The following FCHSD2 variants were observed in gnomAD, a reference collection of about 807,000 sequenced individuals.
FCHSD2 encodes the protein F-BAR and double SH3 domains protein 2.
Under a neutral mutation model 108.1 loss-of-function variants are expected in FCHSD2, and 38 were observed. The observed-to-expected ratio is 0.35, with a 90% CI of 0.27 to 0.46. FCHSD2 has a LOEUF of 0.46. Among genes scored for constraint, FCHSD2 ranks in the 20% least tolerant of loss-of-function variants. The pLI is 1.00. For synonymous variants in FCHSD2, 279 were observed against 314.7 expected, an observed-to-expected ratio of 0.89 and a Z score of 1.20; for missense variants, 751 against 897.8, an observed-to-expected ratio of 0.84 and a Z score of 2.09.
intron 2 of FCHSD2, among the ~76,000 whole-genome samples, chr11:73,084,109 T>G (rs1461295513): frequency 6.6e-6 from 1 of 152,238 alleles, no homozygotes; most frequent in Non-Finnish European, 1.5e-5. Context: ...CAGTAAAACC[T>G]ATATAAATGT....
intron 12 of FCHSD2, among the ~76,000 whole-genome samples, chr11:72,868,888 T>G (rs533646222): frequency 6.6e-6 from 1 of 152,178 alleles, no homozygotes; most frequent in Non-Finnish European, 1.5e-5. Flanking sequence ...CTTTTACTTT[T>G]TAAGTTACCT....
intron 2 of FCHSD2, among the ~76,000 whole-genome samples, chr11:73,090,619 C>G (rs1859934384): frequency 6.6e-6 from 1 of 152,120 alleles, no homozygotes; most frequent in Admixed American, 6.5e-5. Context: ...TGTGACAGAA[C>G]TCCCTAAAAT....
chr11:73,011,239 A>T (rs1857857367), intron 4 of FCHSD2, among the ~76,000 whole-genome samples: 1 of 152,108 alleles, frequency 6.6e-6, no homozygotes, highest in Admixed American at 6.5e-5. Flanking sequence ...CATGGTAGGC[A>T]GGGGCAGGCT....
At chr11:73,115,336 A>G (rs1241865095) in intron 2 of FCHSD2, among the ~76,000 whole-genome samples, 2 of 151,964 alleles carry the variant, frequency 1.3e-5, no homozygotes, top group Admixed American at 1.3e-4. Context: ...TCTCTTTCCT[A>G]CCTTCTTCAG....
intron 8 of FCHSD2, among the ~76,000 whole-genome samples, chr11:72,932,054 C>G (rs1396769680): frequency 6.6e-6 from 1 of 152,180 alleles, no homozygotes; most frequent in Non-Finnish European, 1.5e-5. Context: ...TTTTGAGTTC[C>G]TCAGTGTGTG....
intron 2 of FCHSD2, among the ~76,000 whole-genome samples, chr11:73,120,215 C>A (rs1860698888): frequency 6.6e-6 from 1 of 152,080 alleles, no homozygotes. Flanking sequence ...GGGACACAGA[C>A]CCAGGCCACA....
intron 3 of FCHSD2, among the ~76,000 whole-genome samples, chr11:73,043,846 C>G (rs904832600): frequency 1.3e-5 from 2 of 152,044 alleles, no homozygotes; most frequent in African/African-American, 4.8e-5. Flanking sequence ...GACTTGAGGC[C>G]CTAAAGGATC....
intron 15 of FCHSD2, 33 bp from the exon 16 acceptor site, chr11:72,843,361 C>G: frequency 6.4e-7 from 1 of 1,551,364 alleles, no homozygotes; most frequent in East Asian, 2.3e-5. Context: ...AACAAGTTTA[C>G]ACACACAATT....
intron 2 of FCHSD2, among the ~76,000 whole-genome samples, chr11:73,131,999 C>A (rs1407102983): frequency 6.6e-6 from 1 of 152,148 alleles, no homozygotes; most frequent in Admixed American, 6.5e-5. Context: ...CACAAATTAC[C>A]ATCCTCCATG....
At chr11:73,015,955 C>T (rs943118716) in intron 3 of FCHSD2, 70 bp from the exon 4 acceptor site, 45 of 817,666 alleles carry the variant, frequency 5.5e-5, no homozygotes, top group Admixed American at 4.6e-4. Context: ...CCTTAAAATA[C>T]ATGACTTAGA....
At chr11:73,102,766 G>C (rs553538137) in intron 2 of FCHSD2, among the ~76,000 whole-genome samples, 1 of 152,112 alleles carries the variant, frequency 6.6e-6, no homozygotes, top group Non-Finnish European at 1.5e-5. Context: ...ACCAGATGCT[G>C]GTGCCTTGAT....
At chr11:72,870,187 A>C (rs1302256688) in intron 12 of FCHSD2, among the ~76,000 whole-genome samples, 1 of 152,094 alleles carries the variant, frequency 6.6e-6, no homozygotes, top group Non-Finnish European at 1.5e-5. Context: ...TTTTCTAAGT[A>C]TTTCTCAACC....
chr11:72,863,711 A>G (rs1240525063), intron 13 of FCHSD2, among the ~76,000 whole-genome samples: 1 of 152,252 alleles, frequency 6.6e-6, no homozygotes, highest in Admixed American at 6.5e-5. Context: ...AAGAAAATAT[A>G]CAGATGCAAA....
intron 8 of FCHSD2, among the ~76,000 whole-genome samples, chr11:72,968,224 C>T (rs570514493): frequency 6.6e-6 from 1 of 152,186 alleles, no homozygotes; most frequent in South Asian, 2.1e-4. Context: ...TGTAGATGCT[C>T]CAAAATTACT....
At chr11:73,116,565 T>A (rs928552719) in intron 2 of FCHSD2, among the ~76,000 whole-genome samples, 21 of 151,982 alleles carry the variant, frequency 1.4e-4, no homozygotes, top group African/African-American at 5.1e-4. Flanking sequence ...TGAGATGGGG[T>A]CCCACTACTC....
chr11:72,916,669 T>C (rs1855880439), intron 9 of FCHSD2, among the ~76,000 whole-genome samples: 1 of 152,190 alleles, frequency 6.6e-6, no homozygotes, highest in African/African-American at 2.4e-5. Flanking sequence ...TAAGAGTTCT[T>C]TGTATATTCT....
At chr11:73,133,403 G>C (rs1184331810) in intron 2 of FCHSD2, among the ~76,000 whole-genome samples, 1 of 152,148 alleles carries the variant, frequency 6.6e-6, no homozygotes, top group East Asian at 1.9e-4. Flanking sequence ...ATAAAATGTG[G>C]CATATCCATA....
intron 19 of FCHSD2, among the ~76,000 whole-genome samples, chr11:72,840,399 G>A (rs1254969363): frequency 6.6e-6 from 1 of 152,206 alleles, no homozygotes; most frequent in Admixed American, 6.5e-5. Context: ...GAGTACAGTG[G>A]TGGGTGGAAT....
chr11:72,875,143 A>G (rs1854941144), intron 12 of FCHSD2, among the ~76,000 whole-genome samples: 1 of 152,196 alleles, frequency 6.6e-6, no homozygotes, highest in Non-Finnish European at 1.5e-5. Context: ...TTCTCTAAGG[A>G]CAAGGACTGT....
Sources: gnomAD v4.1 joint callset for allele counts (sites outside exome capture counted in the v4.1 genomes callset) on GRCh38, gnomAD v4.1.1 for gene constraint, MANE v1.5 for transcripts, NCBI Gene and HGNC (gene_info 2026-07-23, HGNC 2026-07-21) for gene names.